C2orf74: variants seen among roughly 807,000 people sequenced by gnomAD.
C2orf74 encodes the protein DPM1 ER membrane anchor 1.
A neutral mutation model predicts 17.9 loss-of-function variants in C2orf74; 14 were observed. That is an observed-to-expected ratio of 0.78 (90% CI 0.52 to 1.22). C2orf74 has a LOEUF of 1.22. Ranked by LOEUF, C2orf74 falls within the 50% of genes most tolerant of loss-of-function variation. C2orf74 has a pLI of 0.00. For synonymous variants in C2orf74, 79 were observed against 72.6 expected, an observed-to-expected ratio of 1.09 and a Z score of -0.44; for missense variants, 217 against 218.4, an observed-to-expected ratio of 0.99 and a Z score of 0.04.
chr2:61,162,537 T>C lies in C2orf74; in HGVS notation c.23T>C (p.Ile8Thr). 1 of 1,551,778 alleles carries C rather than the reference T, an allele frequency of 6.4e-7. No homozygotes were observed. Among genetic ancestry groups the C allele is most frequent in the Non-Finnish European group, 8.7e-7 (1 of 1,146,950 alleles). MSFETTAITFFIILLICL... is the reference protein window; with the variant it reads MSFETTATTFFIILLICL... ...CCTATGAGCTTTGAAACCACAGCAATCACTTTCTTCATCATCCTTCTAATT... is the reference window on the plus strand; with the variant it reads ...CCTATGAGCTTTGAAACCACAGCAACCACTTTCTTCATCATCCTTCTAATT... The change falls in exon 2 of 5, where the codon ATC becomes ACC. Residue 8 changes from isoleucine (I) to threonine (T), a missense_variant. By Grantham distance (89) the Ile-to-Thr change is moderately conservative (BLOSUM62 -1). Coordinates refer to ENST00000432605, the MANE Select transcript of C2orf74 (RefSeq NM_001143959.4).
At chr2:61,153,212 A>G (rs1409037348) in intron 1 of C2orf74, among the ~76,000 whole-genome samples, 1 of 151,974 alleles carries the variant, frequency 6.6e-6, no homozygotes, top group Non-Finnish European at 1.5e-5. Flanking sequence ...AATAGAAGTG[A>G]GGACAGAGAG....
At chr2:61,153,233 A>G (rs1685291883) in intron 1 of C2orf74, among the ~76,000 whole-genome samples, 1 of 152,120 alleles carries the variant, frequency 6.6e-6, no homozygotes, top group African/African-American at 2.4e-5. Flanking sequence ...GAGGAAGACA[A>G]TTTAAAATGT....
intron 1 of C2orf74, among the ~76,000 whole-genome samples, chr2:61,150,991 A>G (rs891146788): frequency 1.3e-5 from 2 of 152,104 alleles, no homozygotes; most frequent in Admixed American, 1.3e-4. Context: ...GGCTGGTCCC[A>G]GGAGGGGCAG....
chr2:61,155,833 TG>T (rs1685376072), intron 1 of C2orf74, among the ~76,000 whole-genome samples: 2 of 89,000 alleles, frequency 2.2e-5, no homozygotes. Context: ...GAAATCAAGG[TG>T]TTTTTTTTAA....
At chr2:61,145,555 C>T (rs1246341027) in intron 1 of C2orf74, among the ~76,000 whole-genome samples, 1 of 152,098 alleles carries the variant, frequency 6.6e-6, no homozygotes, top group Non-Finnish European at 1.5e-5. Context: ...TCCCGAGTAG[C>T]TGGAATTACA....
chr2:61,147,218 CTTTCCTT>C (rs1685097893), intron 1 of C2orf74, among the ~76,000 whole-genome samples: 2 of 149,032 alleles, frequency 1.3e-5, no homozygotes, highest in African/African-American at 2.5e-5. Flanking sequence ...TTTTCCTTTC[CTTTCCTT>C]TTTTTTTTTT....
Position 61,163,127 on chromosome 2 carries a change from G to C in C2orf74, c.285G>C (p.Val95=), listed in dbSNP as rs766123873. ...GILVQRQSKE[V]LATPLENRRD... ...TTGTCCAGAGACAGAGTAAGGAAGT[G>C]TTGGCCACACCCTTAGAAAACAGAA... The change falls in exon 4 of 5, where the codon GTG becomes GTC. Residue 95 remains valine, a synonymous_variant. Coordinates refer to ENST00000432605, the MANE Select transcript of C2orf74 (RefSeq NM_001143959.4). 67 of 1,552,228 alleles carry C rather than the reference G, an allele frequency of 4.3e-5. 1 individual carries two copies. The South Asian group carries it at 7.5e-4, about 17-fold the overall frequency.
chr2:61,157,541 G>C (rs977471967), upstream of C2orf74, among the ~76,000 whole-genome samples: 1 of 152,158 alleles, frequency 6.6e-6, no homozygotes, highest in African/African-American at 2.4e-5. Flanking sequence ...GACTCACACA[G>C]CTGAAAGTCC....
intron 1 of C2orf74, among the ~76,000 whole-genome samples, chr2:61,149,713 G>T (rs1685171620): frequency 6.6e-6 from 1 of 151,694 alleles, no homozygotes; most frequent in South Asian, 2.1e-4. Flanking sequence ...CAAGTAGCTG[G>T]GATTACAGGC....
intron 1 of C2orf74, among the ~76,000 whole-genome samples, chr2:61,148,110 A>C (rs1685123878): frequency 6.8e-6 from 1 of 147,942 alleles, no homozygotes; most frequent in African/African-American, 2.5e-5. Flanking sequence ...TATATATGGA[A>C]TATATATATT....
upstream of C2orf74, among the ~76,000 whole-genome samples, chr2:61,158,685 G>A (rs73932689): frequency 0.025 from 3,847 of 152,198 alleles, 160 homozygotes; most frequent in African/African-American, 0.088. Context: ...TGGGGAAGGC[G>A]GAAAATCAGG....
At chr2:61,157,513 C>G, upstream of C2orf74, among the ~76,000 whole-genome samples, 1 of 152,050 alleles carries the variant, frequency 6.6e-6, no homozygotes, top group East Asian at 1.9e-4. Flanking sequence ...CCAGCTTAAG[C>G]CAAAAAGGAA....
In C2orf74 at chr2:61,163,317, A is replaced by T. The variant is rs931634779; in HGVS notation, c.390+85A>T. 125 of 1,390,044 alleles carry T rather than the reference A, an allele frequency of 9.0e-5. No individual in the cohort carries two copies. The Middle Eastern group carries it at 2.0e-3, about 23-fold the overall frequency. 86.1% of individuals were successfully genotyped at this position (1,390,044 alleles called of 1,614,324 possible). On this transcript the variant is annotated intron_variant, in intron 4 of 4. Transcript: ENST00000432605. ...ACATTCCTCAGCTAGGTATAATAAT[A>T]GGAGATGGAGGACCGGGCGGGTGGC...
intron 1 of C2orf74, among the ~76,000 whole-genome samples, chr2:61,153,614 C>T (rs771219377): frequency 4.1e-5 from 6 of 144,772 alleles, no homozygotes; most frequent in Non-Finnish European, 7.5e-5. Context: ...ATAAACTGGG[C>T]GCGGTGGCTC....
At position 61,162,949 on chromosome 2, in the gene C2orf74, A is replaced by G; in HGVS notation, c.203A>G (p.His68Arg). 2 of 1,552,574 alleles carry G rather than the reference A, an allele frequency of 1.3e-6. No individual in the cohort carries two copies. The highest frequency in any genetic ancestry group is 1.4e-5 in the African/African-American group (1 of 73,192). The change falls in exon 3 of 5, where the codon CAT (histidine) becomes CGT (arginine). Residue 68 changes from histidine (H) to arginine (R), a missense_variant. By Grantham distance (29) the His-to-Arg change is conservative. Coordinates refer to ENST00000432605, the MANE Select transcript of C2orf74 (RefSeq NM_001143959.4). ...GTGGTGACAAGCAATCCAGAGGACC[A>G]TGAAAGGCGAGTGTGGTGCAGGATG... ...AKVVTSNPED[H>R]ERILMQVMNL...
intron 2 of C2orf74, 87 bp from the exon 3 acceptor site, chr2:61,162,755 A>G: frequency 8.6e-7 from 1 of 1,161,866 alleles, no homozygotes. Flanking sequence ...AAATGCTGAT[A>G]TCCTGTTTAA....
chr2:61,150,482 G>A (rs968496622), intron 1 of C2orf74, among the ~76,000 whole-genome samples: 1 of 152,194 alleles, frequency 6.6e-6, no homozygotes, highest in Non-Finnish European at 1.5e-5. Flanking sequence ...TGTTGAGAGG[G>A]AAAATGGGCC....
chr2:61,158,567 G>C (rs2103635012), upstream of C2orf74, among the ~76,000 whole-genome samples: 1 of 152,326 alleles, frequency 6.6e-6, no homozygotes, highest in South Asian at 2.1e-4. Context: ...AACGAGTATT[G>C]CCAGGGAAGA....
intron 1 of C2orf74, among the ~76,000 whole-genome samples, chr2:61,150,786 G>A (rs751189530): frequency 2.0e-4 from 30 of 152,152 alleles, no homozygotes; most frequent in Non-Finnish European, 3.2e-4. Flanking sequence ...GAAAAGGCAA[G>A]GGAGGGCAAG....
Sources: gnomAD v4.1 joint callset for allele counts (sites outside exome capture counted in the v4.1 genomes callset) on GRCh38, gnomAD v4.1.1 for gene constraint, MANE v1.5 for transcripts, NCBI Gene and HGNC (gene_info 2026-07-23, HGNC 2026-07-21) for gene names.